Variants in CFAP92 observed in about 807,000 individuals in gnomAD.
The protein encoded by CFAP92 is cilia and flagella associated protein 92 (putative), also known as uncharacterized protein CFAP92.
CFAP92 carries 86 observed loss-of-function variants against 106.3 expected under a neutral mutation model. That is an observed-to-expected ratio of 0.81 (90% CI 0.68 to 0.97). The LOEUF is 0.97. CFAP92 is among the 50% of genes least tolerant of loss of function. The probability of loss-of-function intolerance (pLI) is 0.00; values close to 1 mark genes in which losing one functional copy is unlikely to be tolerated. For missense variants in CFAP92, 1,204 were observed against 1,283.8 expected (o/e 0.94, Z 0.95); for synonymous variants, 477 against 506.4 (o/e 0.94, Z 0.78).
intron 4 of CFAP92, among the ~76,000 whole-genome samples, chr3:128,982,666 C>T (rs1943604258): frequency 6.6e-6 from 1 of 152,160 alleles, no homozygotes; most frequent in Admixed American, 6.6e-5. Flanking sequence ...AAGCTTTTGA[C>T]TTAAAGGGAG....
chr3:129,002,499 C>T (rs1330367200), intron 1 of CFAP92: 3 of 1,250,288 alleles, frequency 2.4e-6, no homozygotes, highest in Admixed American at 3.7e-5. Flanking sequence ...CCTCCCCATT[C>T]CACTCCAGTC....
At chr3:128,952,675 G>A (rs1354725802) in intron 9 of CFAP92, among the ~76,000 whole-genome samples, 2 of 152,186 alleles carry the variant, frequency 1.3e-5, no homozygotes, top group African/African-American at 4.8e-5. Context: ...CAGCTGCTCG[G>A]GAGGCTGAGG....
chr3:129,002,201 C>G (rs1488758841), intron 1 of CFAP92: 6 of 1,512,086 alleles, frequency 4.0e-6, no homozygotes, highest in East Asian at 2.7e-5. Context: ...CGCCTGGCCC[C>G]GACAGCGGTC....
intron 9 of CFAP92, among the ~76,000 whole-genome samples, chr3:128,964,685 C>T (rs531246824): frequency 2.6e-4 from 39 of 152,220 alleles, no homozygotes; most frequent in Middle Eastern, 3.4e-3. Flanking sequence ...CATTTAGTTT[C>T]TCAATTCATC....
intron 12 of CFAP92, among the ~76,000 whole-genome samples, chr3:128,932,234 T>C (rs1241254021): frequency 6.6e-6 from 1 of 152,148 alleles, no homozygotes; most frequent in Non-Finnish European, 1.5e-5. Context: ...TCCTTGCCCA[T>C]TCAGGCCACA....
At chr3:129,024,113 A>C in the CFAP92 span, among the ~76,000 whole-genome samples, 26 of 152,338 alleles carry the variant, frequency 1.7e-4, no homozygotes, top group African/African-American at 5.5e-4. Flanking sequence ...AGGAAATCCC[A>C]GTCTGGTGAG....
chr3:129,020,859 G>T, the CFAP92 span, among the ~76,000 whole-genome samples: 1 of 152,172 alleles, frequency 6.6e-6, no homozygotes, highest in South Asian at 2.1e-4. Flanking sequence ...CCTTCTGAAG[G>T]CTGGGGCATG....
intron 4 of CFAP92, among the ~76,000 whole-genome samples, chr3:128,983,596 T>C (rs1307863233): frequency 1.3e-5 from 2 of 151,576 alleles, no homozygotes; most frequent in Non-Finnish European, 2.9e-5. Flanking sequence ...GGAAGTGAAT[T>C]GACAAATGGA....
intron 9 of CFAP92, among the ~76,000 whole-genome samples, chr3:128,956,196 TAA>T (rs577724635): frequency 4.9e-5 from 3 of 61,716 alleles, no homozygotes; most frequent in African/African-American, 9.2e-5. Context: ...AAAAAAAAAA[TAA>T]AAAAAAAATA....
intron 12 of CFAP92, among the ~76,000 whole-genome samples, chr3:128,923,913 G>A (rs1320026772): frequency 6.6e-6 from 1 of 152,300 alleles, no homozygotes; most frequent in East Asian, 1.9e-4. Flanking sequence ...TTTTGAACAA[G>A]ACAGCCAATG....
chr3:129,021,643 C>CT, the CFAP92 span, among the ~76,000 whole-genome samples: 1 of 152,286 alleles, frequency 6.6e-6, no homozygotes, highest in Admixed American at 6.5e-5. Context: ...GCGCGGGTAT[C>CT]TGTCTATTTA....
chr3:128,987,087 G>T (rs1317934669), intron 4 of CFAP92, among the ~76,000 whole-genome samples: 1 of 152,160 alleles, frequency 6.6e-6, no homozygotes, highest in Non-Finnish European at 1.5e-5. Flanking sequence ...CTTGAACTGG[G>T]GAGGCAGAGG....
At chr3:129,015,858 C>G in the CFAP92 span, among the ~76,000 whole-genome samples, 1 of 151,954 alleles carries the variant, frequency 6.6e-6, no homozygotes, top group African/African-American at 2.4e-5. Flanking sequence ...AAGGCTGCTT[C>G]ACTCAGGAAA....
At chr3:128,933,959 C>G (rs184133471) in intron 11 of CFAP92, among the ~76,000 whole-genome samples, 2 of 152,294 alleles carry the variant, frequency 1.3e-5, no homozygotes, top group African/African-American at 4.8e-5. Context: ...CTGTTGCTGG[C>G]TCTAAAAATA....
chr3:129,024,818 T>C, the CFAP92 span, among the ~76,000 whole-genome samples: 1 of 152,192 alleles, frequency 6.6e-6, no homozygotes, highest in Non-Finnish European at 1.5e-5. Context: ...GGATTAGGTT[T>C]CCAACACGTG....
chr3:128,965,804 G>C, intron 8 of CFAP92, 109 bp from the exon 9 acceptor site: 2 of 382,610 alleles, frequency 5.2e-6, no homozygotes, highest in Non-Finnish European at 4.6e-6. Context: ...CAACCCAAAA[G>C]TGAAAACTTT....
At chr3:128,924,238 T>C (rs1176181109) in intron 12 of CFAP92, among the ~76,000 whole-genome samples, 1 of 151,860 alleles carries the variant, frequency 6.6e-6, no homozygotes, top group Admixed American at 6.6e-5. Flanking sequence ...TCATGGCCTT[T>C]GGAACACCAA....
chr3:128,972,816 T>G (rs1017283558), intron 7 of CFAP92, among the ~76,000 whole-genome samples: 3 of 151,444 alleles, frequency 2.0e-5, no homozygotes, highest in Non-Finnish European at 2.9e-5. Context: ...GATCGCGCCA[T>G]TGTACTCCAG....
At chr3:129,000,107 C>T (rs986925319) in intron 1 of CFAP92, among the ~76,000 whole-genome samples, 2 of 152,186 alleles carry the variant, frequency 1.3e-5, no homozygotes, top group African/African-American at 4.8e-5. Context: ...TTGATGGACA[C>T]CAGGTTGTCT....
Sources: gnomAD v4.1 joint callset for allele counts (sites outside exome capture counted in the v4.1 genomes callset) on GRCh38, gnomAD v4.1.1 for gene constraint, MANE v1.5 for transcripts, NCBI Gene and HGNC (gene_info 2026-07-23, HGNC 2026-07-21) for gene names.